The following NEK11 variants were observed in gnomAD, a reference collection of about 807,000 sequenced individuals.
NEK11 encodes NIMA related kinase 11.
Under a neutral mutation model 80.7 loss-of-function variants are expected in NEK11, and 72 were observed. The ratio of observed to expected loss-of-function variants is 0.89; its 90% confidence interval spans 0.74 to 1.08. The LOEUF is 1.08. Ranked by LOEUF, NEK11 falls within the 50% of genes least tolerant of loss-of-function variation. The pLI is 0.00. For missense variants in NEK11, 764 were observed against 763.6 expected (o/e 1.00, Z -0.01); for synonymous variants, 251 against 260.7 (o/e 0.96, Z 0.36).
chr3:131,090,053 A>G (rs1215111674), intron 4 of NEK11, among the ~76,000 whole-genome samples: 1 of 152,160 alleles, frequency 6.6e-6, no homozygotes, highest in African/African-American at 2.4e-5. Flanking sequence ...CAGGCTTCTG[A>G]GAATGCTCTT....
intron 14 of NEK11, among the ~76,000 whole-genome samples, chr3:131,173,054 A>T (rs2092788130): frequency 6.6e-6 from 1 of 152,218 alleles, no homozygotes; most frequent in South Asian, 2.1e-4. Flanking sequence ...CAGTTCTGGG[A>T]GTTTCCCACC....
At chr3:131,196,616 C>T (rs1237165391) in intron 14 of NEK11, among the ~76,000 whole-genome samples, 3 of 152,136 alleles carry the variant, frequency 2.0e-5, no homozygotes, top group African/African-American at 7.2e-5. Context: ...TCACTACAAC[C>T]TCCACTTCCC....
chr3:131,133,602 T>G (rs1008976028), intron 6 of NEK11, among the ~76,000 whole-genome samples: 2 of 149,338 alleles, frequency 1.3e-5, no homozygotes, highest in African/African-American at 2.5e-5. Flanking sequence ...AATTTTAGCT[T>G]ACATAATTCA....
intron 17 of NEK11, among the ~76,000 whole-genome samples, chr3:131,280,397 CTG>C (rs1279178843): frequency 1.8e-4 from 27 of 152,022 alleles, no homozygotes; most frequent in East Asian, 3.9e-4. Context: ...TTTTCCCTCT[CTG>C]TCTGTCATTT....
chr3:131,044,394 G>A (rs1348628572), intron 3 of NEK11, among the ~76,000 whole-genome samples: 1 of 120,780 alleles, frequency 8.3e-6, no homozygotes, highest in East Asian at 2.8e-4. Context: ...ACAAAGGATG[G>A]AGGACTATTT....
intron 15 of NEK11, among the ~76,000 whole-genome samples, chr3:131,241,892 T>C (rs1022770901): frequency 6.6e-6 from 1 of 152,156 alleles, no homozygotes; most frequent in Non-Finnish European, 1.5e-5. Context: ...TTGGGGTATT[T>C]ATTTTCTTTG....
intron 7 of NEK11, among the ~76,000 whole-genome samples, chr3:131,144,147 T>A (rs1264384604): frequency 6.6e-6 from 1 of 152,134 alleles, no homozygotes; most frequent in East Asian, 1.9e-4. Flanking sequence ...GCTTCAGAAA[T>A]TTTCTCAGTA....
chr3:131,204,831 A>T lies in NEK11; in HGVS notation c.1400-23697A>T, dbSNP rs374718719. 1.8e-4 allele frequency among the ~76,000 whole-genome samples: 28 copies of T among 152,230 alleles called. No individual in the cohort carries two copies. The East Asian group carries it at 2.7e-3, about 15-fold the overall frequency. On this transcript the variant is annotated intron_variant, in intron 14 of 17. Transcript: ENST00000383366. Reference sequence around the variant, plus strand: ...CAGTAGGCATGCCTTGGGCTTTTTCATTGTTTGCAGCATGAGGACCGTCAA... The same window carrying T: ...CAGTAGGCATGCCTTGGGCTTTTTCTTTGTTTGCAGCATGAGGACCGTCAA...
intron 2 of NEK11, among the ~76,000 whole-genome samples, chr3:131,028,706 C>A (rs530472046): frequency 5.3e-5 from 8 of 152,266 alleles, no homozygotes; most frequent in African/African-American, 1.9e-4. Flanking sequence ...GGACTGCAGG[C>A]GCCCGCTACA....
At chr3:131,133,771 T>A in intron 6 of NEK11, 59 bp from the exon 7 acceptor site, 3 of 1,445,454 alleles carry the variant, frequency 2.1e-6, no homozygotes, top group Non-Finnish European at 2.9e-6. Flanking sequence ...AGTTGTTAAT[T>A]TCCAGGGCTA....
At chr3:131,189,754 T>C (rs916933446) in intron 14 of NEK11, among the ~76,000 whole-genome samples, 3 of 152,170 alleles carry the variant, frequency 2.0e-5, no homozygotes, top group African/African-American at 7.2e-5. Flanking sequence ...GGCATTTGGG[T>C]CAAATGCCAT....
At chr3:131,220,293 C>A (rs1419202145) in intron 14 of NEK11, among the ~76,000 whole-genome samples, 2 of 152,054 alleles carry the variant, frequency 1.3e-5, no homozygotes, top group Non-Finnish European at 2.9e-5. Context: ...GACGTTGTAG[C>A]ATATTAATCA....
intron 7 of NEK11, among the ~76,000 whole-genome samples, chr3:131,148,952 T>C (rs916423563): frequency 6.6e-6 from 1 of 152,000 alleles, no homozygotes; most frequent in African/African-American, 2.4e-5. Context: ...GTTATTGAGA[T>C]ATTCATTGCC....
At chr3:131,278,827 T>A (rs990196794) in intron 17 of NEK11, among the ~76,000 whole-genome samples, 4 of 152,116 alleles carry the variant, frequency 2.6e-5, no homozygotes, top group African/African-American at 9.7e-5. Context: ...TGTGCCTTAC[T>A]ACTTAGAGTG....
At chr3:131,282,759 T>C (rs1057146700) in intron 17 of NEK11, among the ~76,000 whole-genome samples, 7 of 152,212 alleles carry the variant, frequency 4.6e-5, no homozygotes, top group Non-Finnish European at 1.0e-4. Flanking sequence ...ATCTTTATTG[T>C]CCTTCTTGTT....
At chr3:131,038,841 C>G (rs2066027438) in intron 3 of NEK11, among the ~76,000 whole-genome samples, 1 of 152,094 alleles carries the variant, frequency 6.6e-6, no homozygotes, top group African/African-American at 2.4e-5. Flanking sequence ...TCTGTTCTTT[C>G]AATGTGTTGT....
chr3:131,101,094 C>G (rs1375050511), intron 4 of NEK11, among the ~76,000 whole-genome samples: 1 of 152,048 alleles, frequency 6.6e-6, no homozygotes, highest in African/African-American at 2.4e-5. Flanking sequence ...TCATCTTTGT[C>G]ATTTCTGATT....
intron 17 of NEK11, among the ~76,000 whole-genome samples, chr3:131,345,005 G>T (rs1161787105): frequency 6.6e-6 from 1 of 152,120 alleles, no homozygotes; most frequent in Non-Finnish European, 1.5e-5. Context: ...TGCATCTGTT[G>T]TGATGTCTCC....
chr3:131,141,437 C>A (rs894983560), intron 7 of NEK11, among the ~76,000 whole-genome samples: 5 of 152,068 alleles, frequency 3.3e-5, no homozygotes, highest in African/African-American at 1.2e-4. Flanking sequence ...GGGGTGCCCA[C>A]TGGGAGAAGA....
Sources: gnomAD v4.1 joint callset for allele counts (sites outside exome capture counted in the v4.1 genomes callset) on GRCh38, gnomAD v4.1.1 for gene constraint, MANE v1.5 for transcripts, NCBI Gene and HGNC (gene_info 2026-07-23, HGNC 2026-07-21) for gene names.